Variants in SMAD5 observed in about 807,000 individuals in gnomAD.
The protein encoded by SMAD5 is SMAD family member 5.
SMAD5 carries 9 observed loss-of-function variants against 43.1 expected under a neutral mutation model. The observed-to-expected ratio is 0.21, with a 90% CI of 0.13 to 0.36. The LOEUF (loss-of-function observed/expected upper bound fraction) is 0.36. Among genes scored for constraint, SMAD5 ranks in the 10% least tolerant of loss-of-function variants. The pLI, the probability that SMAD5 is intolerant of heterozygous loss-of-function variation, is 1.00. For missense variants in SMAD5, 348 were observed against 574.0 expected, an observed-to-expected ratio of 0.61 and a Z score of 4.02; for synonymous variants, 190 against 192.4, an observed-to-expected ratio of 0.99 and a Z score of 0.10.
rs1021263790 is a variant in SMAD5, at chr5:136,160,725, A to G, written c.404-131A>G. The G allele has an allele frequency of 9.6e-5, 78 of 810,084 alleles. No homozygotes were observed. The South Asian group carries it at 1.4e-3, about 14-fold the overall frequency. The allele number at this position is 810,084 out of a possible 1,614,324, so 50.2% of individuals were successfully genotyped here. On this transcript the variant is annotated intron_variant, in intron 3 of 7. Transcript: ENST00000545279. The stretch of plus-strand genomic sequence containing the variant: ...ATAGAGATTCAGGGCTCTATAAAAC[A>G]GCCCTTTCTAAAAGTAAATTGTTTT...
rs752756427 is a variant in SMAD5 at position 136,182,064 on chromosome 5, C to T, written c.*4584C>T. The T allele has an allele frequency of 8.5e-5, 13 of 152,052 alleles. No homozygotes were observed. The highest frequency in any genetic ancestry group is 1.8e-4 in the Non-Finnish European group (12 of 67,986). 9.4% of individuals were successfully genotyped at this position (152,052 alleles called of 1,614,324 possible). A position where few individuals can be genotyped will look rare whatever the true frequency, so the allele number is the denominator to read the frequency against. ...CAGTTCTTAAAATTCTTAAAATGAT[C>T]GTAAACCATTATCCTTTAAAGGTTT... On this transcript the variant is annotated 3_prime_UTR_variant, in exon 8 of 8. Coordinates refer to ENST00000545279, the MANE Select transcript of SMAD5 (RefSeq NM_005903.7).
intron 1 of SMAD5, among the ~76,000 whole-genome samples, chr5:136,135,694 T>C (rs1752850311): frequency 1.3e-5 from 2 of 152,236 alleles, no homozygotes; most frequent in South Asian, 4.1e-4. Context: ...TATCAGTGTT[T>C]ATTATTACCA....
At chr5:136,138,563 A>G (rs1752964099) in intron 1 of SMAD5, among the ~76,000 whole-genome samples, 1 of 152,204 alleles carries the variant, frequency 6.6e-6, no homozygotes, top group Admixed American at 6.5e-5. Flanking sequence ...AGTTGTATAC[A>G]TGGATCTAGG....
At chr5:136,147,260 C>T (rs1446671168) in intron 1 of SMAD5, among the ~76,000 whole-genome samples, 1 of 151,652 alleles carries the variant, frequency 6.6e-6, no homozygotes, top group African/African-American at 2.4e-5. Context: ...ACCTTTCATT[C>T]CTGCTGATTG....
chr5:136,169,919 T>C (rs928829420), intron 5 of SMAD5, among the ~76,000 whole-genome samples: 7 of 152,218 alleles, frequency 4.6e-5, no homozygotes, highest in Middle Eastern at 3.2e-3. Flanking sequence ...TGTGAGTCTG[T>C]GGTGGGCTCC....
At chr5:136,156,526 TAG>T (rs1753642639) in intron 3 of SMAD5, among the ~76,000 whole-genome samples, 1 of 152,160 alleles carries the variant, frequency 6.6e-6, no homozygotes, top group African/African-American at 2.4e-5. Context: ...TTAAGAGCTT[TAG>T]AGTGTCTTTA....
Position 136,162,676 on chromosome 5 carries a change from T to C in SMAD5, c.656-596T>C, listed in dbSNP as rs527844401. ...GTAGCTTTTGCAAAATTTTCAACTATGAGTGTTGAAACTCAAAGATTTTCT... is the reference window on the plus strand; with the variant it reads ...GTAGCTTTTGCAAAATTTTCAACTACGAGTGTTGAAACTCAAAGATTTTCT... On this transcript the variant is annotated intron_variant, in intron 4 of 7. Transcript: ENST00000545279. Among the ~76,000 whole-genome samples the C allele has an allele frequency of 5.3e-5, 8 of 152,352 alleles. No individual in the cohort carries two copies. The East Asian group carries it at 1.5e-3, about 29-fold the overall frequency.
intron 6 of SMAD5, 58 bp from the exon 7 acceptor site, chr5:136,174,318 A>G (rs1434252017): frequency 4.7e-5 from 72 of 1,528,110 alleles, no homozygotes; most frequent in Non-Finnish European, 6.3e-5. Context: ...CATACAGTCT[A>G]TTTGGTTTCA....
At chr5:136,173,737 C>T (rs962427394) in intron 6 of SMAD5, among the ~76,000 whole-genome samples, 16 of 151,816 alleles carry the variant, frequency 1.1e-4, no homozygotes, top group African/African-American at 3.9e-4. Flanking sequence ...TGGGAAAATA[C>T]TAGGTGACTA....
At chr5:136,174,719 A>T (rs930976992) in intron 7 of SMAD5, 87 bp downstream of exon 7, 3 of 914,930 alleles carry the variant, frequency 3.3e-6, no homozygotes, top group Admixed American at 4.6e-5. Context: ...TTGTTAAATG[A>T]AAGTTGATAA....
At position 136,177,705 on chromosome 5, in the gene SMAD5, A is replaced by G. The variant is rs1754475300; in HGVS notation, c.*225A>G. ...GTGTTGTAAAAGATGCAGAGTAAGT[A>G]TTATGCCCCAGTTCAGAAATTTGGC... On this transcript the variant is annotated 3_prime_UTR_variant, in exon 8 of 8. Transcript: ENST00000545279. 2.3e-6 allele frequency: 1 copy of G among 428,794 alleles called. No homozygotes were observed. The highest frequency in any genetic ancestry group is 4.1e-6 in the Non-Finnish European group (1 of 243,792). The allele number at this position is 428,794 out of a possible 1,614,324, so 26.6% of individuals were successfully genotyped here. A position where few individuals can be genotyped will look rare whatever the true frequency, so the allele number is the denominator to read the frequency against.
chr5:136,172,598 T>C lies in SMAD5; in HGVS notation c.940T>C (p.Leu314=). 1.9e-6 allele frequency: 3 copies of C among 1,613,530 alleles called. No homozygotes were observed. Among genetic ancestry groups the C allele is most frequent in the Non-Finnish European group, 2.5e-6 (3 of 1,179,482 alleles). The change falls in exon 6 of 8, where the codon TTG becomes CTG. Residue 314 remains leucine (L), a synonymous_variant. Coordinates refer to ENST00000545279, the MANE Select transcript of SMAD5 (RefSeq NM_005903.7). Reference sequence around the variant, plus strand: ...CAAAAGTAGATTCTGCTTGGGTTTGTTGTCAAATGTTAATCGTAATTCGAC... The same window carrying C: ...CAAAAGTAGATTCTGCTTGGGTTTGCTGTCAAATGTTAATCGTAATTCGAC... ...NNKSRFCLGL[L]SNVNRNSTIE...
intron 3 of SMAD5, among the ~76,000 whole-genome samples, chr5:136,158,283 A>G (rs188175910): frequency 2.0e-5 from 3 of 152,146 alleles, no homozygotes; most frequent in Admixed American, 6.5e-5. Flanking sequence ...AGATTCTGAA[A>G]ACTTTCCAGA....
At chr5:136,167,511 C>T (rs1413669345) in intron 5 of SMAD5, among the ~76,000 whole-genome samples, 1 of 152,094 alleles carries the variant, frequency 6.6e-6, no homozygotes, top group Non-Finnish European at 1.5e-5. Flanking sequence ...GGCGCAGTGG[C>T]TCACTCCTGT....
intron 1 of SMAD5, chr5:136,134,016 T>C (rs1460795928): frequency 1.9e-5 from 2 of 107,874 alleles, no homozygotes; most frequent in Non-Finnish European, 3.5e-5. Flanking sequence ...AAAGACAATG[T>C]TTCCTGACCA....
At chr5:136,152,189 C>G (rs922564016) in intron 2 of SMAD5, among the ~76,000 whole-genome samples, 1 of 152,098 alleles carries the variant, frequency 6.6e-6, no homozygotes, top group Non-Finnish European at 1.5e-5. Flanking sequence ...AGTAGTTGAT[C>G]GGCATCCAGA....
chr5:136,165,662 ATTTTTTTTTTTTTTTTTTTTT>A (rs58156387), intron 5 of SMAD5, among the ~76,000 whole-genome samples: 1 of 65,456 alleles, frequency 1.5e-5, no homozygotes, highest in Non-Finnish European at 3.0e-5. Context: ...GAATCATACA[ATTTTTTTTTTTTTTTTTTTTT>A]TTTTTTTTTT....
Position 136,177,752 on chromosome 5 carries a change from G to A in SMAD5, c.*272G>A, listed in dbSNP as rs1174522643. On this transcript the variant is annotated 3_prime_UTR_variant, in exon 8 of 8. Coordinates refer to ENST00000545279, the MANE Select transcript of SMAD5 (RefSeq NM_005903.7). ...TGGCATTGATCTTAAACTGGAACATGCTTTTACTTTATTGCCCTAACAATT... is the reference window on the plus strand; with the variant it reads ...TGGCATTGATCTTAAACTGGAACATACTTTTACTTTATTGCCCTAACAATT... 3.2e-6 allele frequency: 1 copy of A among 315,038 alleles called. No homozygotes were observed. The highest frequency in any genetic ancestry group is 4.6e-5 in the Admixed American group (1 of 21,770). 19.5% of individuals were successfully genotyped at this position (315,038 alleles called of 1,614,324 possible). A position where few individuals can be genotyped will look rare whatever the true frequency, so the allele number is the denominator to read the frequency against.
intron 1 of SMAD5, among the ~76,000 whole-genome samples, chr5:136,135,222 T>G (rs1752833713): frequency 6.6e-6 from 1 of 152,250 alleles, no homozygotes; most frequent in Non-Finnish European, 1.5e-5. Flanking sequence ...TACTGTTGGT[T>G]ATGTAACATG....
Sources: gnomAD v4.1 joint callset for allele counts (sites outside exome capture counted in the v4.1 genomes callset) on GRCh38, gnomAD v4.1.1 for gene constraint, MANE v1.5 for transcripts, NCBI Gene and HGNC (gene_info 2026-07-23, HGNC 2026-07-21) for gene names.